The following TSHZ2 variants were observed in gnomAD, a reference collection of about 807,000 sequenced individuals.
TSHZ2 encodes teashirt zinc finger homeobox 2, also known as teashirt homolog 2.
Under a neutral mutation model 74.4 loss-of-function variants are expected in TSHZ2, and 21 were observed. That is an observed-to-expected ratio of 0.28 (90% CI 0.20 to 0.41). The LOEUF (loss-of-function observed/expected upper bound fraction) is 0.41, where lower values mean the gene tolerates loss of function less well. Ranked by LOEUF, TSHZ2 falls within the 10% of genes least tolerant of loss-of-function variation. The pLI, the probability that TSHZ2 is intolerant of heterozygous loss-of-function variation, is 1.00. For missense variants in TSHZ2, 1,244 were observed against 1,293.5 expected (o/e 0.96, Z 0.59); for synonymous variants, 540 against 515.3 (o/e 1.05, Z -0.65).
intron 2 of TSHZ2, among the ~76,000 whole-genome samples, chr20:53,431,639 T>C (rs2145733547): frequency 6.6e-6 from 1 of 152,294 alleles, no homozygotes; most frequent in South Asian, 2.1e-4. Context: ...TAGGAATTAT[T>C]ATTATTCCCA....
chr20:53,102,729 A>T (rs1986253437), intron 1 of TSHZ2, among the ~76,000 whole-genome samples: 2 of 152,236 alleles, frequency 1.3e-5, no homozygotes, highest in South Asian at 4.1e-4. Context: ...TATGTAAAAA[A>T]GTTATTATGG....
At chr20:53,230,078 G>A (rs113712794) in intron 1 of TSHZ2, among the ~76,000 whole-genome samples, 2 of 151,850 alleles carry the variant, frequency 1.3e-5, no homozygotes, top group Admixed American at 1.3e-4. Context: ...GAGGAGGAGA[G>A]ATAGACTGTA....
intron 1 of TSHZ2, among the ~76,000 whole-genome samples, chr20:53,121,693 A>G (rs895003654): frequency 6.6e-6 from 1 of 152,226 alleles, no homozygotes; most frequent in Non-Finnish European, 1.5e-5. Flanking sequence ...TGTTTTTAAA[A>G]GTGTATAAAC....
intron 2 of TSHZ2, among the ~76,000 whole-genome samples, chr20:53,276,532 C>T (rs184899000): frequency 4.1e-4 from 62 of 152,284 alleles, no homozygotes; most frequent in African/African-American, 1.1e-3. Context: ...AATATTCTAA[C>T]GCTCTCAGAC....
intron 2 of TSHZ2, among the ~76,000 whole-genome samples, chr20:53,471,215 AT>A (rs909239882): frequency 1.3e-4 from 19 of 151,150 alleles, no homozygotes; most frequent in African/African-American, 2.2e-4. Context: ...AGGTACATCT[AT>A]TTTTTTTTCT....
At chr20:53,325,564 C>T (rs1356774139) in intron 2 of TSHZ2, among the ~76,000 whole-genome samples, 1 of 152,132 alleles carries the variant, frequency 6.6e-6, no homozygotes, top group Non-Finnish European at 1.5e-5. Context: ...CCAGGAGTGT[C>T]CACACCTGGG....
At chr20:53,154,931 T>G (rs1987757906) in intron 1 of TSHZ2, among the ~76,000 whole-genome samples, 1 of 152,084 alleles carries the variant, frequency 6.6e-6, no homozygotes, top group Non-Finnish European at 1.5e-5. Flanking sequence ...CCACTAGAAA[T>G]TATGACATCT....
intron 2 of TSHZ2, among the ~76,000 whole-genome samples, chr20:53,287,581 A>G (rs958142189): frequency 6.6e-6 from 1 of 152,244 alleles, no homozygotes; most frequent in African/African-American, 2.4e-5. Context: ...GAGTATCCCC[A>G]GAAGAGGAAG....
intron 1 of TSHZ2, among the ~76,000 whole-genome samples, chr20:53,120,137 T>C (rs1568768891): frequency 6.6e-6 from 1 of 152,238 alleles, no homozygotes; most frequent in Non-Finnish European, 1.5e-5. Flanking sequence ...ACAATTCTCA[T>C]TTCATGATTC....
At chr20:53,182,073 T>C (rs1988483144) in intron 1 of TSHZ2, among the ~76,000 whole-genome samples, 1 of 152,024 alleles carries the variant, frequency 6.6e-6, no homozygotes, top group Non-Finnish European at 1.5e-5. Flanking sequence ...CCACATATAG[T>C]GCCTAGGCCG....
intron 1 of TSHZ2, among the ~76,000 whole-genome samples, chr20:53,154,826 A>G (rs185620143): frequency 5.4e-4 from 82 of 152,290 alleles, no homozygotes; most frequent in Non-Finnish European, 8.7e-4. Context: ...AGCACATAGC[A>G]TAGTATCTCC....
chr20:53,363,586 T>C (rs776422244), intron 2 of TSHZ2, among the ~76,000 whole-genome samples: 5 of 152,158 alleles, frequency 3.3e-5, no homozygotes, highest in Non-Finnish European at 7.4e-5. Context: ...CAGAGGAGAT[T>C]CATCAAAATA....
intron 2 of TSHZ2, among the ~76,000 whole-genome samples, chr20:53,299,769 C>CAGTT (rs1430106335): frequency 2.0e-5 from 3 of 151,166 alleles, no homozygotes; most frequent in Non-Finnish European, 3.0e-5. Context: ...TAGATGACTA[C>CAGTT]AGTTTGGTTG....
rs1332079937 is a variant in TSHZ2, at chr20:53,469,762, GAGGGAGGA to G, written c.*9-17374_*9-17367del. Among the ~76,000 whole-genome samples the G allele has an allele frequency of 1.3e-4, 6 of 47,510 alleles. No homozygotes were observed. In the South Asian group the frequency reaches 3.9e-3, roughly 31 times the overall value. 31.2% of individuals were successfully genotyped at this position (47,510 alleles called of 152,430 possible). A position where few individuals can be genotyped will look rare whatever the true frequency, so the allele number is the denominator to read the frequency against. ...GAAGGAAGGACCCAAGAAAGATAGAGAGGGAGGAAGGGAGGGAGGGAGGGAGGAAGGAA... is the reference window on the plus strand; with the variant it reads ...GAAGGAAGGACCCAAGAAAGATAGAGAGGGAGGGAGGGAGGGAGGAAGGAA... On this transcript the variant is annotated intron_variant, in intron 2 of 2. Transcript: ENST00000371497.
At chr20:52,996,276 C>T (rs1270486260) in intron 1 of TSHZ2, among the ~76,000 whole-genome samples, 1 of 151,732 alleles carries the variant, frequency 6.6e-6, no homozygotes, top group East Asian at 1.9e-4. Context: ...TTGCTTAAGG[C>T]CGAAAGTTCT....
At chr20:53,168,114 C>A (rs1172843386) in intron 1 of TSHZ2, among the ~76,000 whole-genome samples, 2 of 152,326 alleles carry the variant, frequency 1.3e-5, no homozygotes, top group Admixed American at 6.5e-5. Context: ...AGAAGGCAAG[C>A]AAACCTCAGT....
chr20:53,089,426 G>A (rs1985808236), intron 1 of TSHZ2, among the ~76,000 whole-genome samples: 1 of 149,328 alleles, frequency 6.7e-6, no homozygotes, highest in Non-Finnish European at 1.5e-5. Flanking sequence ...AAAGAGATAA[G>A]TAGGGATTTT....
intron 1 of TSHZ2, among the ~76,000 whole-genome samples, chr20:53,211,151 G>T (rs1006897622): frequency 3.3e-5 from 5 of 152,176 alleles, no homozygotes; most frequent in Non-Finnish European, 7.3e-5. Context: ...TTTAATCCTT[G>T]CTGTAACCCT....
intron 1 of TSHZ2, among the ~76,000 whole-genome samples, chr20:53,219,076 GT>G (rs1989496997): frequency 1.3e-5 from 2 of 152,148 alleles, no homozygotes; most frequent in East Asian, 3.9e-4. Context: ...AAACAGTTAG[GT>G]AAAAGAAGCT....
Sources: gnomAD v4.1 joint callset for allele counts (sites outside exome capture counted in the v4.1 genomes callset) on GRCh38, gnomAD v4.1.1 for gene constraint, MANE v1.5 for transcripts, NCBI Gene and HGNC (gene_info 2026-07-23, HGNC 2026-07-21) for gene names.